Variants in BBS9 observed in about 807,000 individuals in gnomAD.
BBS9 encodes the protein Bardet-Biedl syndrome 9.
In BBS9, 89 loss-of-function variants were observed where a neutral mutation model predicts 117.7. That is an observed-to-expected ratio of 0.76 (90% CI 0.64 to 0.90). BBS9 has a LOEUF of 0.90. Among genes scored for constraint, BBS9 ranks in the 40% least tolerant of loss-of-function variants. BBS9 has a pLI of 0.00. For missense variants in BBS9, 982 were observed against 1,042.2 expected (o/e 0.94, Z 0.80); for synonymous variants, 379 against 370.9 (o/e 1.02, Z -0.25).
At chr7:33,396,162 G>A (rs933972177) in intron 19 of BBS9, among the ~76,000 whole-genome samples, 1 of 151,958 alleles carries the variant, frequency 6.6e-6, no homozygotes, top group Non-Finnish European at 1.5e-5. Context: ...TTTTACTCTT[G>A]AATATTTAGG....
Position 33,502,502 on chromosome 7 carries a change from G to A in BBS9, c.2116-2961G>A, listed in dbSNP as rs112995779. ...ATAATAGTAGGAAGTAATGAATGTT[G>A]AGTATTTATTACCTTTGTTTTAAAT... On this transcript the variant is annotated intron_variant, in intron 19 of 22. Coordinates refer to ENST00000242067, the MANE Select transcript of BBS9 (RefSeq NM_198428.3). Among the ~76,000 whole-genome samples, 213 of 152,278 alleles carry A rather than the reference G, an allele frequency of 1.4e-3. 3 individuals are homozygous for A. Among genetic ancestry groups the A allele is most frequent in the Non-Finnish European group, 1.5e-3 (100 of 68,026 alleles).
At chr7:33,596,923 C>A (rs563047665) in intron 21 of BBS9, among the ~76,000 whole-genome samples, 2 of 151,968 alleles carry the variant, frequency 1.3e-5, no homozygotes, top group African/African-American at 4.8e-5. Context: ...AGATGCCTGG[C>A]TTTTTATAGC....
intron 21 of BBS9, among the ~76,000 whole-genome samples, chr7:33,623,028 A>T (rs2598377): frequency 6.6e-6 from 1 of 151,940 alleles, no homozygotes. Context: ...CCTTAATTTC[A>T]TCATAGCCTA....
At chr7:33,239,556 C>T (rs1016194032) in intron 5 of BBS9, among the ~76,000 whole-genome samples, 5 of 152,034 alleles carry the variant, frequency 3.3e-5, no homozygotes, top group East Asian at 3.9e-4. Context: ...ATTACAGGCA[C>T]GTGCCACCAT....
chr7:33,152,988 CG>C (rs764116871), intron 3 of BBS9, 137 bp downstream of exon 3: 98 of 923,068 alleles, frequency 1.1e-4, no homozygotes, highest in Non-Finnish European at 1.6e-4. Flanking sequence ...GGGTTTCTCA[CG>C]TATGGAATGC....
chr7:33,261,574 C>T (rs1299986356), intron 6 of BBS9, among the ~76,000 whole-genome samples: 1 of 152,166 alleles, frequency 6.6e-6, no homozygotes, highest in Non-Finnish European at 1.5e-5. Context: ...TCCAAAACTT[C>T]CTGCCACTCA....
At chr7:33,372,627 G>A (rs1047257938) in intron 17 of BBS9, among the ~76,000 whole-genome samples, 1 of 151,990 alleles carries the variant, frequency 6.6e-6, no homozygotes, top group Admixed American at 6.6e-5. Context: ...CTTTTGTTAT[G>A]TCCTTATCTG....
At chr7:33,137,749 T>G (rs1790756732) in intron 1 of BBS9, among the ~76,000 whole-genome samples, 1 of 152,236 alleles carries the variant, frequency 6.6e-6, no homozygotes, top group African/African-American at 2.4e-5. Context: ...TATTGTTCAT[T>G]AATTCTTTAA....
At chr7:33,466,702 CA>C (rs1314909246) in intron 19 of BBS9, among the ~76,000 whole-genome samples, 1 of 151,900 alleles carries the variant, frequency 6.6e-6, no homozygotes, top group African/African-American at 2.4e-5. Context: ...GTCAGAAAAA[CA>C]CTGGAAAAAA....
intron 5 of BBS9, among the ~76,000 whole-genome samples, chr7:33,194,126 G>A (rs1056678322): frequency 6.6e-6 from 1 of 152,008 alleles, no homozygotes; most frequent in African/African-American, 2.4e-5. Flanking sequence ...GATAAAACCT[G>A]TATTTTTCTT....
chr7:33,227,411 TG>T (rs1212134518), intron 5 of BBS9, among the ~76,000 whole-genome samples: 2 of 152,112 alleles, frequency 1.3e-5, no homozygotes, highest in African/African-American at 4.8e-5. Flanking sequence ...TCCTCCAAAG[TG>T]CTGAGATTAC....
chr7:33,182,454 A>G (rs1798228095), intron 5 of BBS9, among the ~76,000 whole-genome samples: 1 of 152,226 alleles, frequency 6.6e-6, no homozygotes, highest in East Asian at 1.9e-4. Flanking sequence ...GCTCCACAGC[A>G]GTTAAGTTGA....
chr7:33,291,492 T>C (rs1259202774), intron 9 of BBS9, among the ~76,000 whole-genome samples: 1 of 152,178 alleles, frequency 6.6e-6, no homozygotes, highest in African/African-American at 2.4e-5. Flanking sequence ...TGAAAATTCA[T>C]GCCTATTTTG....
chr7:33,249,317 AAG>A (rs1209521377), intron 5 of BBS9, among the ~76,000 whole-genome samples: 2 of 152,078 alleles, frequency 1.3e-5, no homozygotes, highest in East Asian at 3.9e-4. Context: ...TTTAATAGAG[AAG>A]ACTGTTAAAT....
rs751035704 is a variant in BBS9, at chr7:33,367,860, C to G, written c.1787C>G (p.Ser596Cys). ...ARITVLASKT[S>C]QRYRIQSEQF... Reference sequence around the variant, plus strand: ...ATTACTGTTCTTGCTTCCAAAACTTCTCGTAAGTAAAACCATGTTATCATT... The same window carrying G: ...ATTACTGTTCTTGCTTCCAAAACTTGTCGTAAGTAAAACCATGTTATCATT... The change falls in exon 17 of 23, where the codon TCT (serine) becomes TGT (cysteine). Residue 596 changes from serine (S) to cysteine (C), a missense_variant and splice_region_variant. Ser to Cys is a moderately radical substitution (Grantham distance 112). Transcript: ENST00000242067. 1 of 1,613,414 alleles carries G rather than the reference C, an allele frequency of 6.2e-7. No homozygotes were observed. Among genetic ancestry groups the G allele is most frequent in the Non-Finnish European group, 8.5e-7 (1 of 1,179,488 alleles).
chr7:33,616,495 A>G (rs34290051), intron 21 of BBS9, among the ~76,000 whole-genome samples: 14,982 of 124,526 alleles, frequency 0.12, 1,144 homozygotes, highest in East Asian at 0.33. Flanking sequence ...GTGTGTGTGT[A>G]TATATATATA....
intron 19 of BBS9, among the ~76,000 whole-genome samples, chr7:33,432,429 T>A (rs1453934694): frequency 2.0e-5 from 3 of 152,064 alleles, no homozygotes; most frequent in Non-Finnish European, 4.4e-5. Context: ...CTTAAATTAC[T>A]CTCAAAACTC....
At chr7:33,296,999 A>G (rs1410724473) in intron 9 of BBS9, among the ~76,000 whole-genome samples, 2 of 152,182 alleles carry the variant, frequency 1.3e-5, no homozygotes, top group African/African-American at 4.8e-5. Flanking sequence ...TACAAAAGAA[A>G]ATTTCAGTGG....
intron 19 of BBS9, among the ~76,000 whole-genome samples, chr7:33,490,404 A>G (rs1585006532): frequency 1.3e-5 from 2 of 152,172 alleles, no homozygotes; most frequent in Non-Finnish European, 2.9e-5. Flanking sequence ...TTACATGAGA[A>G]TATCAATGCC....
Sources: allele counts gnomAD v4.1 joint callset (sites outside exome capture counted in the v4.1 genomes callset), GRCh38; gene constraint gnomAD v4.1.1; transcripts MANE v1.5; gene names NCBI Gene and HGNC (gene_info 2026-07-23, HGNC 2026-07-21).